ERC2: variants seen among roughly 807,000 people sequenced by gnomAD.
ERC2 encodes ERC protein 2.
ERC2 carries 42 observed loss-of-function variants against 114.8 expected under a neutral mutation model. The ratio of observed to expected loss-of-function variants is 0.37; its 90% CI spans 0.29 to 0.47. The LOEUF (loss-of-function observed/expected upper bound fraction) is 0.47. Among genes scored for constraint, ERC2 ranks in the 20% least tolerant of loss-of-function variants. The pLI, the probability that ERC2 is intolerant of heterozygous loss-of-function variation, is 0.99. For missense variants in ERC2, 939 were observed against 1,150.7 expected (o/e 0.82, Z 2.66); for synonymous variants, 454 against 425.5 (o/e 1.07, Z -0.82).
chr3:55,897,121 C>A lies in ERC2; in HGVS notation c.2404-8572G>T, dbSNP rs529695965. Among the ~76,000 whole-genome samples the A allele has an allele frequency of 3.0e-4, 46 of 152,284 alleles. 1 individual carries two copies. The highest frequency in any genetic ancestry group is 6.8e-3 in the Middle Eastern group (2 of 294). On this transcript the variant is annotated intron_variant, in intron 13 of 17. Transcript: ENST00000288221. ...ATAAAATAAAAAACCCGTTTAAGAC[C>A]TTAAATCATTAACATGTGTCGACTT...
intron 14 of ERC2, among the ~76,000 whole-genome samples, chr3:55,749,321 G>C (rs1443696261): frequency 6.6e-6 from 1 of 152,168 alleles, no homozygotes; most frequent in African/African-American, 2.4e-5. Context: ...AGGCTTCCCA[G>C]CTCCACTGAC....
intron 3 of ERC2, among the ~76,000 whole-genome samples, chr3:56,198,985 T>G (rs188366963): frequency 1.2e-4 from 18 of 152,306 alleles, no homozygotes; most frequent in Admixed American, 1.0e-3. Context: ...GACCCTGGAT[T>G]ATGGCTCAGT....
chr3:55,742,210 G>C (rs1013120840), intron 14 of ERC2, among the ~76,000 whole-genome samples: 2 of 152,076 alleles, frequency 1.3e-5, no homozygotes, highest in African/African-American at 4.8e-5. Flanking sequence ...CTCACAAAGA[G>C]AGTTCCAGGA....
At chr3:55,601,516 G>A (rs1048497365) in intron 17 of ERC2, among the ~76,000 whole-genome samples, 5 of 152,178 alleles carry the variant, frequency 3.3e-5, no homozygotes, top group Admixed American at 3.3e-4. Flanking sequence ...CACTGGTTGT[G>A]TGCAAACAAC....
intron 1 of ERC2, among the ~76,000 whole-genome samples, chr3:56,442,059 T>C (rs1436760394): frequency 6.6e-6 from 1 of 152,108 alleles, no homozygotes; most frequent in Non-Finnish European, 1.5e-5. Context: ...AAACAATTTA[T>C]ACTCACATCC....
chr3:56,083,727 G>T (rs34578493), intron 6 of ERC2, among the ~76,000 whole-genome samples: 20,268 of 152,044 alleles, frequency 0.13, 1,452 homozygotes, highest in East Asian at 0.16. Context: ...AGGTTCCCAT[G>T]GGTGATGAGG....
chr3:56,332,167 C>CAT (rs2057653054), intron 2 of ERC2, among the ~76,000 whole-genome samples: 2 of 143,050 alleles, frequency 1.4e-5, no homozygotes, highest in South Asian at 2.3e-4. Flanking sequence ...CACACACACA[C>CAT]AAGAGATTTC....
chr3:55,515,645 G>A (rs2052442486), intron 17 of ERC2, among the ~76,000 whole-genome samples: 1 of 151,292 alleles, frequency 6.6e-6, no homozygotes, highest in Non-Finnish European at 1.5e-5. Flanking sequence ...TCTTTGTGGG[G>A]AGAAACCAGT....
intron 12 of ERC2, among the ~76,000 whole-genome samples, chr3:55,960,255 C>T (rs757541363): frequency 1.3e-5 from 2 of 152,190 alleles, no homozygotes; most frequent in Non-Finnish European, 2.9e-5. Context: ...CACCAGTGAA[C>T]TTTGCTGGCC....
chr3:55,768,725 G>A (rs2067991029), intron 14 of ERC2, among the ~76,000 whole-genome samples: 1 of 152,178 alleles, frequency 6.6e-6, no homozygotes, highest in South Asian at 2.1e-4. Flanking sequence ...GAAGAAGCAA[G>A]CCAATGGGGC....
intron 2 of ERC2, among the ~76,000 whole-genome samples, chr3:56,310,073 C>T (rs1308737579): frequency 6.6e-6 from 1 of 152,134 alleles, no homozygotes; most frequent in Non-Finnish European, 1.5e-5. Flanking sequence ...ACAAGGGACT[C>T]TCAGGAATAC....
At chr3:56,455,005 A>G (rs1358459520) in intron 1 of ERC2, among the ~76,000 whole-genome samples, 1 of 152,152 alleles carries the variant, frequency 6.6e-6, no homozygotes, top group Non-Finnish European at 1.5e-5. Context: ...GAATAGTCAA[A>G]TTCATAGAGA....
chr3:55,793,382 G>A (rs1267227360), intron 14 of ERC2, among the ~76,000 whole-genome samples: 1 of 152,128 alleles, frequency 6.6e-6, no homozygotes, highest in Non-Finnish European at 1.5e-5. Context: ...AAAAAGCCAG[G>A]TGAACATTCT....
At chr3:56,158,689 T>C (rs1459560742) in intron 4 of ERC2, among the ~76,000 whole-genome samples, 5 of 151,500 alleles carry the variant, frequency 3.3e-5, no homozygotes, top group Admixed American at 2.0e-4. Context: ...TTTCCATAAA[T>C]AACCTAACCT....
At chr3:55,672,474 G>C (rs916146035) in intron 17 of ERC2, among the ~76,000 whole-genome samples, 3 of 152,096 alleles carry the variant, frequency 2.0e-5, no homozygotes, top group African/African-American at 7.2e-5. Context: ...TAGTTCCCCT[G>C]TGTCTCATCT....
intron 17 of ERC2, among the ~76,000 whole-genome samples, chr3:55,537,140 G>T (rs1157342759): frequency 6.6e-6 from 1 of 152,174 alleles, no homozygotes; most frequent in Non-Finnish European, 1.5e-5. Context: ...GGCCGCATGG[G>T]CTCCACCGAC....
At chr3:55,725,115 A>C (rs2064827679) in intron 15 of ERC2, among the ~76,000 whole-genome samples, 1 of 152,178 alleles carries the variant, frequency 6.6e-6, no homozygotes, top group Non-Finnish European at 1.5e-5. Flanking sequence ...TGTTATTCTG[A>C]TATGCTCTGC....
intron 17 of ERC2, among the ~76,000 whole-genome samples, chr3:55,652,156 G>GCTTAAAT (rs2060651854): frequency 6.6e-6 from 1 of 152,122 alleles, no homozygotes; most frequent in African/African-American, 2.4e-5. Flanking sequence ...AATGTAAATA[G>GCTTAAAT]GACACATCTG....
chr3:55,539,418 T>TC (rs1274953357), intron 17 of ERC2, among the ~76,000 whole-genome samples: 2 of 68,126 alleles, frequency 2.9e-5, no homozygotes, highest in South Asian at 7.2e-4. Context: ...TTTCTTTCTT[T>TC]TTTTTTTTTT....
Sources: allele counts gnomAD v4.1 joint callset (sites outside exome capture counted in the v4.1 genomes callset), GRCh38; gene constraint gnomAD v4.1.1; transcripts MANE v1.5; gene names NCBI Gene and HGNC (gene_info 2026-07-23, HGNC 2026-07-21).